The following C11orf21 variants were observed in gnomAD, a reference collection of about 807,000 sequenced individuals.
C11orf21 encodes the protein chromosome 11 open reading frame 21.
Under a neutral mutation model 15.2 loss-of-function variants are expected in C11orf21, and 19 were observed. That is an observed-to-expected ratio of 1.25 (90% CI 0.87 to 1.84). C11orf21 has a LOEUF of 1.84. Ranked by LOEUF, C11orf21 falls within the 40% of genes most tolerant of loss-of-function variation. The probability of loss-of-function intolerance (pLI) is 0.00; values close to 1 mark genes in which losing one functional copy is unlikely to be tolerated. For missense variants in C11orf21, 171 were observed against 174.4 expected (o/e 0.98, Z 0.11); for synonymous variants, 62 against 66.8 (o/e 0.93, Z 0.35).
intron 1 of C11orf21, chr11:2,300,861 G>A (rs1163199688): frequency 1.7e-6 from 2 of 1,187,894 alleles, no homozygotes; most frequent in East Asian, 2.6e-5. Context: ...CCTGCCCCTA[G>A]ACCTGGTACC....
chr11:2,300,931 C>G (rs780084730), intron 1 of C11orf21: 1 of 654,860 alleles, frequency 1.5e-6, no homozygotes, highest in Non-Finnish European at 2.7e-6. Flanking sequence ...CACACCTAGG[C>G]CCCCAGCTGA....
chr11:2,301,308 G>A (rs548668190), intron 1 of C11orf21: 10 of 195,284 alleles, frequency 5.1e-5, no homozygotes, highest in African/African-American at 7.1e-5. Flanking sequence ...ACTCCTGGGA[G>A]GGCCCGGAGT....
intron 1 of C11orf21, 130 bp from the exon 2 acceptor site, chr11:2,300,743 G>A: frequency 6.4e-7 from 1 of 1,550,954 alleles, no homozygotes; most frequent in South Asian, 1.2e-5. Context: ...CAGCTCCAGG[G>A]AGGTCAAGGT....
In C11orf21 at chr11:2,297,807, G is replaced by C. The variant is rs1274455865; in HGVS notation, c.*143C>G. 1 of 152,274 alleles carries C rather than the reference G, an allele frequency of 6.6e-6. No individual in the cohort carries two copies. The highest frequency in any genetic ancestry group is 1.5e-5 in the Non-Finnish European group (1 of 68,070). 9.4% of individuals were successfully genotyped at this position (152,274 alleles called of 1,614,324 possible). On this transcript the variant is annotated 3_prime_UTR_variant, in exon 4 of 4. Coordinates refer to ENST00000381153, the MANE Select transcript of C11orf21 (RefSeq NM_001329958.2). ...TGTAAACAGCAGGTGCTTATTTCTT[G>C]CAGTTCTGGAGGCTGGAAGTCCAAT...
At chr11:2,302,976 C>T (rs746897010), upstream of C11orf21, 3 of 1,604,548 alleles carry the variant, frequency 1.9e-6, no homozygotes, top group Non-Finnish European at 2.6e-6. Flanking sequence ...AGGTCCAGGC[C>T]TGGCTGCATC....
rs967030627 is a variant in C11orf21 at position 2,299,712 on chromosome 11, T to G, written c.148-5A>C. ...CATCATTGAGCCAGGGGCCTCCTGG[T>G]GGGTAAGGACATTGTAGAGTGAGCG... On this transcript the variant is annotated splice_region_variant and splice_polypyrimidine_tract_variant and intron_variant, in intron 2 of 3. Coordinates refer to ENST00000381153, the MANE Select transcript of C11orf21 (RefSeq NM_001329958.2). The G allele has an allele frequency of 6.4e-7, 1 of 1,550,600 alleles. No individual in the cohort carries two copies. The highest frequency in any genetic ancestry group is 8.7e-7 in the Non-Finnish European group (1 of 1,146,810).
rs1332157270 is a variant in C11orf21 at position 2,297,756 on chromosome 11, C to G, written c.*194G>C. ...GCTGTCTCAGTTAGCTCCAATCTGCCATAAGGAAGCACTGCAGGCTGGGCA... is the reference window on the plus strand; with the variant it reads ...GCTGTCTCAGTTAGCTCCAATCTGCGATAAGGAAGCACTGCAGGCTGGGCA... On this transcript the variant is annotated 3_prime_UTR_variant, in exon 4 of 4. Coordinates refer to ENST00000381153, the MANE Select transcript of C11orf21 (RefSeq NM_001329958.2). 1 of 152,226 alleles carries G rather than the reference C, an allele frequency of 6.6e-6. No homozygotes were observed. Among genetic ancestry groups the G allele is most frequent in the Non-Finnish European group, 1.5e-5 (1 of 68,066 alleles). 9.4% of individuals were successfully genotyped at this position (152,226 alleles called of 1,614,324 possible).
At chr11:2,302,851 G>A (rs758018002), upstream of C11orf21, 2 of 1,613,498 alleles carry the variant, frequency 1.2e-6, no homozygotes, top group Non-Finnish European at 1.7e-6. Context: ...CAGCTGCTGG[G>A]CCTCTCTGTG....
Position 2,301,847 on chromosome 11 carries a change from C to T in C11orf21, c.-39G>A, listed in dbSNP as rs1170806778. 6.4e-7 allele frequency: 1 copy of T among 1,550,634 alleles called. No homozygotes were observed. Among genetic ancestry groups the T allele is most frequent in the Non-Finnish European group, 8.7e-7 (1 of 1,146,944 alleles). On this transcript the variant is annotated 5_prime_UTR_variant, in exon 1 of 4. Transcript: ENST00000381153. ...TCAGCGCCGTCCTCAGTGGCCACAC[C>T]AAGAACGAGGCCATGTCTTCCTGGG...
chr11:2,302,156 C>T (rs149680436), upstream of C11orf21: 85 of 1,445,892 alleles, frequency 5.9e-5, no homozygotes, highest in Non-Finnish European at 7.8e-5. Flanking sequence ...CGTCATGGGG[C>T]CTTGGAGTCG....
upstream of C11orf21, chr11:2,302,280 G>T: frequency 7.5e-7 from 1 of 1,325,362 alleles, no homozygotes; most frequent in Non-Finnish European, 9.8e-7. Flanking sequence ...GGGTGGCAGG[G>T]CCTCAGCACA....
In C11orf21 at chr11:2,301,909, G is replaced by C. The variant is rs754164805; in HGVS notation, c.-101C>G. The C allele has an allele frequency of 6.5e-7, 1 of 1,538,554 alleles. No individual in the cohort carries two copies. Among genetic ancestry groups the C allele is most frequent in the South Asian group, 1.2e-5 (1 of 83,476 alleles). On this transcript the variant is annotated 5_prime_UTR_variant, in exon 1 of 4. Coordinates refer to ENST00000381153, the MANE Select transcript of C11orf21 (RefSeq NM_001329958.2). Reference sequence around the variant, plus strand: ...ATGTCAGCAAATGCCCTGGTGTCTTGGGCTGGGCTGGGGGCACCAGGGTGA... The same window carrying C: ...ATGTCAGCAAATGCCCTGGTGTCTTCGGCTGGGCTGGGGGCACCAGGGTGA...
Position 2,295,916 on chromosome 11 carries a change from A to T in C11orf21, c.*2034T>A, listed in dbSNP as rs1473050340. 1 of 152,248 alleles carries T rather than the reference A, an allele frequency of 6.6e-6. No individual in the cohort carries two copies. The highest frequency in any genetic ancestry group is 1.5e-5 in the Non-Finnish European group (1 of 68,046). 9.4% of individuals were successfully genotyped at this position (152,248 alleles called of 1,614,324 possible). A position where few individuals can be genotyped will look rare whatever the true frequency, so the allele number is the denominator to read the frequency against. On this transcript the variant is annotated 3_prime_UTR_variant, in exon 4 of 4. Transcript: ENST00000381153. This position sits in a 1 kb window ranked among gnomAD's most constrained non-coding sequence, Gnocchi z 5.4. ...CTAAAAAATAAAATCTATATTAAAA[A>T]TTAAAGCTTTCACCAGATCAATGGC...
At position 2,299,420 on chromosome 11, in the gene C11orf21, C is replaced by A; in HGVS notation, c.*28+8G>T. ...CCCAGGCTCCAGCCTCAGAGCCCGG[C>A]TGCTCACCTCTGATGGACAGAAAAG... On this transcript the variant is annotated splice_region_variant and intron_variant, in intron 3 of 3. Coordinates refer to ENST00000381153, the MANE Select transcript of C11orf21 (RefSeq NM_001329958.2). 1 of 1,545,292 alleles carries A rather than the reference C, an allele frequency of 6.5e-7. No individual in the cohort carries two copies.
rs1589781380 is a variant in C11orf21 at position 2,297,577 on chromosome 11, C to T, written c.*373G>A. 1.3e-5 allele frequency: 2 copies of T among 152,444 alleles called. No individual in the cohort carries two copies. The highest frequency in any genetic ancestry group is 6.5e-5 in the Admixed American group (1 of 15,306). The allele number at this position is 152,444 out of a possible 1,614,324, so 9.4% of individuals were successfully genotyped here. ...ACCAGCACCGCTGGGGTTCTCAGGG[C>T]ATCTACCCTTTCCGCTGTAGCCCAC... On this transcript the variant is annotated 3_prime_UTR_variant, in exon 4 of 4. Coordinates refer to ENST00000381153, the MANE Select transcript of C11orf21 (RefSeq NM_001329958.2).
At position 2,295,951 on chromosome 11, in the gene C11orf21, G is replaced by T. The variant is rs945636287; in HGVS notation, c.*1999C>A. 3.3e-5 allele frequency: 5 copies of T among 152,178 alleles called. No homozygotes were observed. Among genetic ancestry groups the T allele is most frequent in the African/African-American group, 9.7e-5 (4 of 41,440 alleles). 9.4% of individuals were successfully genotyped at this position (152,178 alleles called of 1,614,324 possible). Reference sequence around the variant, plus strand: ...TCACCAGATCAATGGCTGTAGACCAGGTGTCCGGGGATGCTTTGATTTGCC... The same window carrying T: ...TCACCAGATCAATGGCTGTAGACCATGTGTCCGGGGATGCTTTGATTTGCC... On this transcript the variant is annotated 3_prime_UTR_variant, in exon 4 of 4. Transcript: ENST00000381153. This position sits in a 1 kb window ranked among gnomAD's most constrained non-coding sequence, Gnocchi z 5.4.
In C11orf21 at chr11:2,296,065, A is replaced by AC. The variant is rs1180142617; in HGVS notation, c.*1884dup. 6.6e-6 allele frequency: 1 copy of AC among 151,494 alleles called. No homozygotes were observed. The highest frequency in any genetic ancestry group is 1.9e-4 in the East Asian group (1 of 5,166). The allele number at this position is 151,494 out of a possible 1,614,324, so 9.4% of individuals were successfully genotyped here. A position where few individuals can be genotyped will look rare whatever the true frequency, so the allele number is the denominator to read the frequency against. On this transcript the variant is annotated 3_prime_UTR_variant, in exon 4 of 4. Transcript: ENST00000381153. This position sits in a 1 kb window ranked among gnomAD's most constrained non-coding sequence, Gnocchi z 5.6. ...GATTCACTGTCCTTCTTTCTCCGGG[A>AC]CCCCCCTGTCTTCCACACAAGCCAA...
upstream of C11orf21, chr11:2,302,843 G>A: frequency 6.2e-7 from 1 of 1,613,142 alleles, no homozygotes; most frequent in African/African-American, 1.3e-5. Flanking sequence ...CCTATCCACA[G>A]CTGCTGGGCC....
At chr11:2,302,739 C>T (rs1589791988), upstream of C11orf21, 5 of 883,048 alleles carry the variant, frequency 5.7e-6, no homozygotes, top group East Asian at 8.0e-5. Context: ...CTGTCTCTCA[C>T]GGGACCGGGA....
Sources: gnomAD v4.1 joint callset for allele counts on GRCh38, gnomAD v4.1.1 for gene constraint, Gnocchi (gnomAD v3.1) non-coding constraint, MANE v1.5 for transcripts, NCBI Gene and HGNC (gene_info 2026-07-23, HGNC 2026-07-21) for gene names.